The following CACNA1B variants were observed in gnomAD, a reference collection of about 807,000 sequenced individuals.
CACNA1B encodes the protein calcium voltage-gated channel subunit alpha1 B, also known as voltage-dependent N-type calcium channel subunit alpha-1B.
Under a neutral mutation model 247.2 loss-of-function variants are expected in CACNA1B, and 70 were observed. The observed-to-expected ratio is 0.28, with a 90% CI of 0.23 to 0.35. The LOEUF (loss-of-function observed/expected upper bound fraction) is 0.35. Among genes scored for constraint, CACNA1B ranks in the 10% least tolerant of loss-of-function variants. The pLI, the probability that CACNA1B is intolerant of heterozygous loss-of-function variation, is 1.00. For synonymous variants in CACNA1B, 1,231 were observed against 1,294.4 expected (o/e 0.95, Z 1.05); for missense variants, 2,367 against 3,197.4 (o/e 0.74, Z 6.26).
chr9:138,074,807 T>A (rs959436153), intron 34 of CACNA1B, among the ~76,000 whole-genome samples: 2 of 152,230 alleles, frequency 1.3e-5, no homozygotes, highest in African/African-American at 4.8e-5. Flanking sequence ...GCCGAGTGGC[T>A]TGCACAGTGG....
In CACNA1B at chr9:137,973,567, C is replaced by T. The variant is rs762074907; in HGVS notation, c.1543+1975C>T. ...TTATGCAGCTCACCAGACTTGCTCA[C>T]CCTCCCTCTGCTCCCATAGCACACC... On this transcript the variant is annotated intron_variant, in intron 11 of 46. Coordinates refer to ENST00000371372, the MANE Select transcript of CACNA1B (RefSeq NM_000718.4). The surrounding 1 kb of genome is among the most constrained non-coding windows in gnomAD (Gnocchi z 4.1). Among the ~76,000 whole-genome samples, 1 of 152,214 alleles carries T rather than the reference C, an allele frequency of 6.6e-6. No homozygotes were observed. Among genetic ancestry groups the T allele is most frequent in the Non-Finnish European group, 1.5e-5 (1 of 68,046 alleles).
intron 20 of CACNA1B, among the ~76,000 whole-genome samples, chr9:138,028,133 C>T (rs1022959478): frequency 6.7e-6 from 1 of 149,716 alleles, no homozygotes; most frequent in East Asian, 2.0e-4. Context: ...AGCAATTCTC[C>T]TTCCTCAGCC....
At chr9:138,000,337 A>AT (rs1958559305) in intron 15 of CACNA1B, among the ~76,000 whole-genome samples, 2 of 152,104 alleles carry the variant, frequency 1.3e-5, no homozygotes, top group Non-Finnish European at 2.9e-5. Context: ...TGACCTCGTG[A>AT]TCAGCCCGCC....
chr9:137,983,426 G>A (rs1958317056), intron 12 of CACNA1B, among the ~76,000 whole-genome samples: 1 of 152,144 alleles, frequency 6.6e-6, no homozygotes. Context: ...TCCTTTCTGA[G>A]TCCCTCACAC....
rs1408653028 is a variant in CACNA1B, at chr9:137,986,276, A to G, written c.1770-137A>G. The stretch of plus-strand genomic sequence containing the variant: ...GGGTAGTGGGCCTGAAACTCCAGAG[A>G]AAAGCTCTAACTTCACACCTAGGTG... On this transcript the variant is annotated intron_variant, in intron 13 of 46. Coordinates refer to ENST00000371372, the MANE Select transcript of CACNA1B (RefSeq NM_000718.4). The surrounding 1 kb of genome is among the most constrained non-coding windows in gnomAD (Gnocchi z 6.0). 2 of 937,766 alleles carry G rather than the reference A, an allele frequency of 2.1e-6. No homozygotes were observed. The highest frequency in any genetic ancestry group is 3.1e-6 in the Non-Finnish European group (2 of 635,030). 58.1% of individuals were successfully genotyped at this position (937,766 alleles called of 1,614,324 possible).
chr9:138,000,311 G>T (rs149528972), intron 15 of CACNA1B, among the ~76,000 whole-genome samples: 1 of 152,138 alleles, frequency 6.6e-6, no homozygotes, highest in Admixed American at 6.5e-5. Context: ...TGTTAGCCAG[G>T]ATGGTCTCGA....
intron 6 of CACNA1B, among the ~76,000 whole-genome samples, chr9:137,938,961 T>G (rs1564198081): frequency 6.6e-6 from 1 of 151,998 alleles, no homozygotes; most frequent in South Asian, 2.1e-4. Context: ...ATCTCAGCTA[T>G]TTGGGAGGCT....
chr9:137,995,729 A>G (rs1589055375), intron 15 of CACNA1B, among the ~76,000 whole-genome samples: 1 of 152,238 alleles, frequency 6.6e-6, no homozygotes, highest in East Asian at 1.9e-4. Flanking sequence ...GAAATAATCA[A>G]TAAACAGACA....
chr9:137,953,042 G>A lies in CACNA1B; in HGVS notation c.1070+665G>A, dbSNP rs183865783. ...GGCTCAGGGCTGGGGGTCCATGCTG[G>A]AGAAGGTGGAGAAAGAGTCCTCTCT... On this transcript the variant is annotated intron_variant, in intron 7 of 46. Transcript: ENST00000371372. Among the ~76,000 whole-genome samples the A allele has an allele frequency of 5.3e-3, 814 of 152,300 alleles. 4 individuals are homozygous for A. The highest frequency in any genetic ancestry group is 7.5e-3 in the Non-Finnish European group (509 of 68,024).
At chr9:138,000,256 G>T (rs373149955) in intron 15 of CACNA1B, among the ~76,000 whole-genome samples, 1 of 151,826 alleles carries the variant, frequency 6.6e-6, no homozygotes, top group Admixed American at 6.6e-5. Context: ...CCGCCACTAC[G>T]CCCGGCTAAT....
chr9:138,103,706 G>A (rs750464278), intron 38 of CACNA1B, among the ~76,000 whole-genome samples: 4 of 152,194 alleles, frequency 2.6e-5, no homozygotes, highest in East Asian at 1.9e-4. Context: ...TCCGGCAAAC[G>A]GCCTGTGGTT....
intron 12 of CACNA1B, among the ~76,000 whole-genome samples, chr9:137,977,896 C>T (rs912142808): frequency 1.9e-4 from 28 of 148,222 alleles, no homozygotes; most frequent in African/African-American, 4.0e-4. Context: ...GAGTAACAGG[C>T]GGGTGCACTA....
At chr9:137,925,651 C>T (rs1421636815) in intron 6 of CACNA1B, among the ~76,000 whole-genome samples, 1 of 151,728 alleles carries the variant, frequency 6.6e-6, no homozygotes, top group African/African-American at 2.4e-5. Context: ...GATAATCATA[C>T]AATTTGCAAA....
chr9:138,058,196 C>T lies in CACNA1B; in HGVS notation c.4254C>T (p.Thr1418=), dbSNP rs1334371172. 2.5e-6 allele frequency: 4 copies of T among 1,613,934 alleles called. 1 individual carries two copies. In the South Asian group the frequency reaches 4.4e-5, roughly 18 times the overall value. The change falls in exon 28 of 47, where the codon ACC becomes ACT. Residue 1418 remains threonine, a synonymous_variant. Coordinates refer to ENST00000371372, the MANE Select transcript of CACNA1B (RefSeq NM_000718.4). This position sits in a 1 kb window ranked among gnomAD's most constrained non-coding sequence, Gnocchi z 4.7. ...VNIFVALIII[T]FQEQGDKVMS... is the part of the protein sequence containing the mutation. ...TCTTTGTGGCTTTGATCATCATCACCTTCCAGGAGCAGGGGGACAAGGTGA... is the reference window on the plus strand; with the variant it reads ...TCTTTGTGGCTTTGATCATCATCACTTTCCAGGAGCAGGGGGACAAGGTGA...
intron 10 of CACNA1B, among the ~76,000 whole-genome samples, chr9:137,962,922 C>T (rs1368244190): frequency 6.6e-6 from 1 of 152,102 alleles, no homozygotes; most frequent in African/African-American, 2.4e-5. Flanking sequence ...GTGAGTTCAA[C>T]TCCTGAATGT....
At chr9:138,032,868 A>G in intron 20 of CACNA1B, 1 of 316,566 alleles carries the variant, frequency 3.2e-6, no homozygotes, top group South Asian at 2.4e-5. Context: ...GAGTTCCTTT[A>G]AGTTTATCTT....
At chr9:137,898,800 G>A (rs747799700) in intron 3 of CACNA1B, among the ~76,000 whole-genome samples, 1 of 151,516 alleles carries the variant, frequency 6.6e-6, no homozygotes, top group Non-Finnish European at 1.5e-5. Flanking sequence ...TCCTGCCTCA[G>A]TCTCCCAAGT....
At chr9:138,009,220 G>A (rs1958693498) in intron 16 of CACNA1B, among the ~76,000 whole-genome samples, 1 of 152,200 alleles carries the variant, frequency 6.6e-6, no homozygotes, top group Non-Finnish European at 1.5e-5. Context: ...GCTTCCCTTT[G>A]GGCCTTGGTT....
intron 10 of CACNA1B, among the ~76,000 whole-genome samples, chr9:137,964,190 G>T (rs1299715660): frequency 6.6e-6 from 1 of 152,182 alleles, no homozygotes; most frequent in Non-Finnish European, 1.5e-5. Flanking sequence ...TTCTCATGGA[G>T]TATTTTACTG....
Sources: allele counts gnomAD v4.1 joint callset (sites outside exome capture counted in the v4.1 genomes callset), GRCh38; gene constraint gnomAD v4.1.1; non-coding constraint Gnocchi (gnomAD v3.1); transcripts MANE v1.5; gene names NCBI Gene and HGNC (gene_info 2026-07-23, HGNC 2026-07-21).